The following DNAH14 variants were observed in gnomAD, a reference collection of about 807,000 sequenced individuals.
DNAH14 encodes the protein dynein axonemal heavy chain 14, also known as axonemal beta dynein heavy chain 14.
A neutral mutation model predicts 520.9 loss-of-function variants in DNAH14; 478 were observed. That is an observed-to-expected ratio of 0.92 (90% CI 0.85 to 0.99). The LOEUF (loss-of-function observed/expected upper bound fraction) is 0.99. Among genes scored for constraint, DNAH14 ranks in the 50% least tolerant of loss-of-function variants. The pLI is 0.00. For missense variants in DNAH14, 4,831 were observed against 5,234.5 expected (o/e 0.92, Z 2.38); for synonymous variants, 1,581 against 1,757.2 (o/e 0.90, Z 2.51).
chr1:224,958,522 A>T (rs566839777), intron 3 of DNAH14, among the ~76,000 whole-genome samples: 2 of 152,238 alleles, frequency 1.3e-5, no homozygotes, highest in South Asian at 4.1e-4. Flanking sequence ...AAGCTGGATA[A>T]AGAGAAAGGT....
chr1:225,216,127 A>G (rs1372967680), intron 41 of DNAH14, among the ~76,000 whole-genome samples: 3 of 152,134 alleles, frequency 2.0e-5, no homozygotes, highest in Non-Finnish European at 4.4e-5. Flanking sequence ...CTTGTCTGTA[A>G]AGGATTTTAT....
At chr1:225,230,187 A>T (rs1319222103) in intron 41 of DNAH14, among the ~76,000 whole-genome samples, 1 of 152,186 alleles carries the variant, frequency 6.6e-6, no homozygotes, top group Non-Finnish European at 1.5e-5. Flanking sequence ...ACTTATAATC[A>T]TAAAACAACA....
chr1:225,338,176 A>G lies in DNAH14; in HGVS notation c.10427A>G (p.Asn3476Ser). The change falls in exon 68 of 86, where the codon AAT becomes AGT. Residue 3476 changes from asparagine (N) to serine (S), a missense_variant. By Grantham distance (46) the Asn-to-Ser change is conservative (BLOSUM62 1). Transcript: ENST00000682510. ...GATGCTGAGTTCGAATACAATTCAAATTTTAGGTAATGTGCCACAGCTAAA... is the reference window on the plus strand; with the variant it reads ...GATGCTGAGTTCGAATACAATTCAAGTTTTAGGTAATGTGCCACAGCTAAA... The part of the protein sequence containing the change: ...VGDAEFEYNS[N>S]FRLYLSTEID... 1 of 1,551,896 alleles carries G rather than the reference A, an allele frequency of 6.4e-7. No individual in the cohort carries two copies. The highest frequency in any genetic ancestry group is 1.2e-5 in the South Asian group (1 of 83,964).
At chr1:224,987,544 T>C (rs1261353012) in intron 8 of DNAH14, among the ~76,000 whole-genome samples, 1 of 152,194 alleles carries the variant, frequency 6.6e-6, no homozygotes, top group Non-Finnish European at 1.5e-5. Context: ...GCCTTTGTAC[T>C]GGGTCGTTCC....
chr1:225,209,934 A>G (rs1392761878), intron 41 of DNAH14, among the ~76,000 whole-genome samples: 1 of 152,134 alleles, frequency 6.6e-6, no homozygotes, highest in East Asian at 1.9e-4. Flanking sequence ...AGAAGTTGTG[A>G]GGGACAATGC....
rs1426238373 is a variant in DNAH14 at position 225,300,945 on chromosome 1, A to G, written c.8546A>G (p.Asp2849Gly). 1 of 1,551,470 alleles carries G rather than the reference A, an allele frequency of 6.4e-7. No homozygotes were observed. The highest frequency in any genetic ancestry group is 1.2e-5 in the South Asian group (1 of 84,048). Residue 2849 changes from aspartate to glycine, a missense_variant, in exon 56 of 86, where the codon GAT (aspartate) becomes GGT (glycine). Coordinates refer to ENST00000682510, the MANE Select transcript of DNAH14 (RefSeq NM_001367479.1). The stretch of plus-strand genomic sequence containing the variant: ...GACCTGTTTGAAAATGTTGAGCTGG[A>G]TTCTATTGCAATGAAAATCAGATAT... The part of the protein sequence containing the change: ...IPDLFENVEL[D>G]SIAMKIRYLT...
intron 1 of DNAH14, among the ~76,000 whole-genome samples, chr1:224,930,243 A>G (rs1270531080): frequency 6.6e-6 from 1 of 152,218 alleles, no homozygotes; most frequent in Non-Finnish European, 1.5e-5. Flanking sequence ...CAACACAAAT[A>G]TATATGGATT....
intron 47 of DNAH14, among the ~76,000 whole-genome samples, chr1:225,264,522 T>A (rs1420075543): frequency 6.6e-6 from 1 of 152,118 alleles, no homozygotes; most frequent in Non-Finnish European, 1.5e-5. Context: ...AGTGGAAGAG[T>A]AGACTAAGTC....
intron 55 of DNAH14, among the ~76,000 whole-genome samples, chr1:225,295,688 T>C (rs2093990948): frequency 6.6e-6 from 1 of 152,214 alleles, no homozygotes; most frequent in South Asian, 2.1e-4. Context: ...TCATGCAGAA[T>C]GTTCCGTGTG....
chr1:225,124,165 C>T (rs923229182), intron 27 of DNAH14, among the ~76,000 whole-genome samples: 11 of 152,144 alleles, frequency 7.2e-5, no homozygotes, highest in African/African-American at 2.4e-4. Context: ...TTCAGCAAGT[C>T]ATAATATTGT....
chr1:225,353,723 G>C (rs2095398439), intron 72 of DNAH14, 80 bp from the exon 73 acceptor site: 2 of 778,862 alleles, frequency 2.6e-6, no homozygotes, highest in Non-Finnish European at 4.1e-6. Context: ...TTTTATGACA[G>C]AAATTTTCAT....
chr1:225,389,665 G>T, intron 82 of DNAH14, 69 bp from the exon 83 acceptor site: 1 of 1,490,730 alleles, frequency 6.7e-7, no homozygotes, highest in Non-Finnish European at 9.0e-7. Flanking sequence ...GGAGGAAATG[G>T]CCCACATCAC....
At chr1:225,090,496 G>T (rs754656267) in intron 21 of DNAH14, among the ~76,000 whole-genome samples, 30 of 152,058 alleles carry the variant, frequency 2.0e-4, no homozygotes, top group Admixed American at 3.9e-4. Context: ...TCATTATAAG[G>T]CCACAGTTAT....
intron 41 of DNAH14, among the ~76,000 whole-genome samples, chr1:225,230,121 TAATC>T (rs2090959265): frequency 6.6e-6 from 1 of 152,090 alleles, no homozygotes. Context: ...TATAAATAAA[TAATC>T]AGAGAAGCAT....
At chr1:225,153,717 C>T in intron 33 of DNAH14, 33 bp from the exon 34 acceptor site, 1 of 1,453,398 alleles carries the variant, frequency 6.9e-7, no homozygotes, top group Non-Finnish European at 9.4e-7. Flanking sequence ...TCTTTAGAAA[C>T]TTTAATAATT....
intron 56 of DNAH14, among the ~76,000 whole-genome samples, chr1:225,301,958 C>T (rs2094147084): frequency 6.6e-6 from 1 of 151,472 alleles, no homozygotes; most frequent in Admixed American, 6.6e-5. Context: ...TGCCTTGTTA[C>T]TATATTTGGT....
At chr1:225,353,560 T>C (rs2150489525) in intron 72 of DNAH14, among the ~76,000 whole-genome samples, 1 of 152,272 alleles carries the variant, frequency 6.6e-6, no homozygotes, top group African/African-American at 2.4e-5. Flanking sequence ...TTACTATTCA[T>C]TCACCACTTC....
intron 42 of DNAH14, among the ~76,000 whole-genome samples, chr1:225,233,262 GA>G (rs1282547077): frequency 1.3e-5 from 2 of 152,066 alleles, no homozygotes; most frequent in Non-Finnish European, 2.9e-5. Flanking sequence ...GTGCTGCAGT[GA>G]ACATATGTGT....
In DNAH14 at chr1:225,346,565, G is replaced by A; in HGVS notation, c.11207G>A (p.Gly3736Glu). Reference sequence around the variant, plus strand: ...GGAAATCTAATACAGGATGACATTGGATTCCTACCAGAAGAAGAATGGAAC... The same window carrying A: ...GGAAATCTAATACAGGATGACATTGAATTCCTACCAGAAGAAGAATGGAAC... ...ANGNLIQDDI[G>E]FLPEEEWNIF... The change falls in exon 71 of 86, where the codon GGA becomes GAA. Residue 3736 changes from glycine (G) to glutamate (E), a missense_variant. Transcript: ENST00000682510. The A allele has an allele frequency of 6.4e-7, 1 of 1,551,070 alleles. No individual in the cohort carries two copies. The highest frequency in any genetic ancestry group is 1.4e-5 in the African/African-American group (1 of 73,148).
Sources: allele counts gnomAD v4.1 joint callset (sites outside exome capture counted in the v4.1 genomes callset), GRCh38; gene constraint gnomAD v4.1.1; transcripts MANE v1.5; gene names NCBI Gene and HGNC (gene_info 2026-07-23, HGNC 2026-07-21).